Variants in ARID1A observed in about 807,000 individuals in gnomAD.
ARID1A encodes AT-rich interaction domain 1A.
In ARID1A, 20 loss-of-function variants were observed where a neutral mutation model predicts 212.6. That is an observed-to-expected ratio of 0.09 (90% CI 0.07 to 0.14). The LOEUF (loss-of-function observed/expected upper bound fraction) is 0.14, where lower values mean the gene tolerates loss of function less well. Ranked by LOEUF, ARID1A falls within the 10% of genes least tolerant of loss-of-function variation. The pLI, the probability that ARID1A is intolerant of heterozygous loss-of-function variation, is 1.00. For synonymous variants in ARID1A, 1,376 were observed against 1,222.1 expected (o/e 1.13, Z -2.63); for missense variants, 2,587 against 3,059.0 (o/e 0.85, Z 3.64).
intron 1 of ARID1A, among the ~76,000 whole-genome samples, chr1:26,707,423 G>T (rs1231931063): frequency 1.3e-5 from 2 of 151,650 alleles, no homozygotes; most frequent in East Asian, 3.9e-4. Flanking sequence ...TGGCCAGGCT[G>T]GTCTGAAACT....
chr1:26,769,853 G>C, intron 11 of ARID1A: 1 of 152,492 alleles, frequency 6.6e-6, no homozygotes, highest in African/African-American at 2.4e-5. Flanking sequence ...GGCTTGGTCA[G>C]TGTGCCCTGA....
At chr1:26,717,578 T>G (rs2080515364) in intron 1 of ARID1A, among the ~76,000 whole-genome samples, 1 of 152,234 alleles carries the variant, frequency 6.6e-6, no homozygotes, top group South Asian at 2.1e-4. Flanking sequence ...TTCTACAAAT[T>G]TCCAAGCTCT....
In ARID1A at chr1:26,767,002, G is replaced by A. The variant is rs149773846; in HGVS notation, c.2988+436G>A. On this transcript the variant is annotated intron_variant, in intron 10 of 19. Coordinates refer to ENST00000324856, the MANE Select transcript of ARID1A (RefSeq NM_006015.6). ...TGTGTTCTGTAAAGAAGGAGATAAG[G>A]CAGATGAGGCTTGAGTCCTTGGCTT... Among the ~76,000 whole-genome samples, 18 of 152,306 alleles carry A rather than the reference G, an allele frequency of 1.2e-4. No homozygotes were observed. The East Asian group carries it at 3.5e-3, about 29-fold the overall frequency.
intron 10 of ARID1A, among the ~76,000 whole-genome samples, chr1:26,767,299 G>A (rs568736793): frequency 2.5e-4 from 38 of 152,306 alleles, no homozygotes; most frequent in Admixed American, 1.2e-3. Context: ...GAGGCAAAGA[G>A]TTTCTTTTCA....
At chr1:26,735,662 G>A (rs765118417) in intron 4 of ARID1A, among the ~76,000 whole-genome samples, 5 of 152,184 alleles carry the variant, frequency 3.3e-5, no homozygotes, top group Non-Finnish European at 7.3e-5. Flanking sequence ...CCCATCCCCT[G>A]TGTCTTTCTC....
In ARID1A at chr1:26,696,938, C is replaced by G. The variant is rs747917614; in HGVS notation, c.535C>G (p.Pro179Ala). The G allele has an allele frequency of 6.9e-7, 1 of 1,449,184 alleles. No homozygotes were observed. The highest frequency in any genetic ancestry group is 9.0e-7 in the Non-Finnish European group (1 of 1,107,456). The allele number at this position is 1,449,184 out of a possible 1,614,324, so 89.8% of individuals were successfully genotyped here. ...CCAACAACATGGCGGACAACAAAGC[C>G]CTGGCCTGGCAGCGCTGCAGAGCGG... Reference protein sequence around the residue: ...FHQQHGGQQSPGLAALQSGGG... With the variant: ...FHQQHGGQQSAGLAALQSGGG... The change falls in exon 1 of 20, where the codon CCT (proline) becomes GCT (alanine). Residue 179 changes from proline to alanine, a missense_variant. Physicochemically the swap from Pro to Ala is conservative, Grantham distance 27. Around this residue, in one of 11 missense-constraint regions of ARID1A, gnomAD observed 735 missense variants for 590.6 expected, o/e 1.24. Transcript: ENST00000324856.
Position 26,719,676 on chromosome 1 carries a change from C to T in ARID1A, c.1138-9975C>T, listed in dbSNP as rs1042864829. 3.3e-5 allele frequency among the ~76,000 whole-genome samples: 5 copies of T among 151,760 alleles called. No individual in the cohort carries two copies. The East Asian group carries it at 7.7e-4, about 23-fold the overall frequency. ...ACAACTGAGGCCGGGCACAGTGGCT[C>T]ACGCCTGTAATCCCAGCACTTTGGG... On this transcript the variant is annotated intron_variant, in intron 1 of 19. Coordinates refer to ENST00000324856, the MANE Select transcript of ARID1A (RefSeq NM_006015.6).
intron 4 of ARID1A, among the ~76,000 whole-genome samples, chr1:26,758,335 AG>A (rs2080960049): frequency 6.6e-6 from 1 of 152,150 alleles, no homozygotes; most frequent in Non-Finnish European, 1.5e-5. Context: ...TTATCATATC[AG>A]GAGTTTGGGA....
intron 4 of ARID1A, 33 bp from the exon 5 acceptor site, chr1:26,760,823 T>C (rs2124053367): frequency 6.3e-7 from 1 of 1,581,980 alleles, no homozygotes. Context: ...CTGCCTAATA[T>C]TACTAATCCA....
intron 11 of ARID1A, chr1:26,769,661 A>G (rs1170312083): frequency 1.3e-5 from 2 of 152,266 alleles, no homozygotes; most frequent in Admixed American, 6.5e-5. Flanking sequence ...CATAGGTATC[A>G]TATCAGCAGA....
At chr1:26,700,100 G>C (rs1036965905) in intron 1 of ARID1A, among the ~76,000 whole-genome samples, 1 of 152,200 alleles carries the variant, frequency 6.6e-6, no homozygotes, top group African/African-American at 2.4e-5. Flanking sequence ...ATTCAGTTGT[G>C]TAAGAGACAG....
Position 26,780,783 on chromosome 1 carries a change from T to C in ARID1A, c.*27T>C. Reference sequence around the variant, plus strand: ...AGCCGTGGGACACCTCCCCCCCCCGTGTGTGTGTGCGTGTGTGGAGAACTT... The same window carrying C: ...AGCCGTGGGACACCTCCCCCCCCCGCGTGTGTGTGCGTGTGTGGAGAACTT... On this transcript the variant is annotated 3_prime_UTR_variant, in exon 20 of 20. Coordinates refer to ENST00000324856, the MANE Select transcript of ARID1A (RefSeq NM_006015.6). This position sits in a 1 kb window ranked among gnomAD's most constrained non-coding sequence, Gnocchi z 7.2. The C allele has an allele frequency of 4.0e-6, 6 of 1,512,390 alleles. No individual in the cohort carries two copies. Among genetic ancestry groups the C allele is most frequent in the Non-Finnish European group, 5.3e-6 (6 of 1,121,672 alleles). The allele number at this position is 1,512,390 out of a possible 1,614,324, so 93.7% of individuals were successfully genotyped here.
intron 4 of ARID1A, 135 bp from the exon 5 acceptor site, chr1:26,760,721 A>G (rs1271639070): frequency 5.4e-6 from 5 of 928,806 alleles, no homozygotes; most frequent in Admixed American, 3.2e-5. Flanking sequence ...TAAAAATAGT[A>G]TCATGACTAA....
rs2081006817 is a variant in ARID1A at position 26,763,026 on chromosome 1, A to C, written c.2473A>C (p.Ser825Arg). ...TGCCTTGCCCAATGCCAACTACCCC[A>C]GTGCAGGCATGGCTGGAGGCATAAA... ...YNALPNANYP[S>R]AGMAGGINPM... The change falls in exon 8 of 20, where the codon AGT (serine) becomes CGT (arginine). Residue 825 changes from serine (S) to arginine (R), a missense_variant. By Grantham distance (110) the Ser-to-Arg change is moderately radical. Coordinates refer to ENST00000324856, the MANE Select transcript of ARID1A (RefSeq NM_006015.6). 6.2e-7 allele frequency: 1 copy of C among 1,612,618 alleles called. No homozygotes were observed. The highest frequency in any genetic ancestry group is 8.5e-7 in the Non-Finnish European group (1 of 1,178,718).
chr1:26,766,340 G>A lies in ARID1A; in HGVS notation c.2852G>A (p.Gly951Asp), dbSNP rs2081039231. The A allele has an allele frequency of 6.2e-7, 1 of 1,614,156 alleles. No individual in the cohort carries two copies. The highest frequency in any genetic ancestry group is 8.5e-7 in the Non-Finnish European group (1 of 1,180,034). Residue 951 changes from glycine to aspartate, a missense_variant, in exon 9 of 20, where the codon GGT (glycine) becomes GAT (aspartate). Coordinates refer to ENST00000324856, the MANE Select transcript of ARID1A (RefSeq NM_006015.6). ...CCTCAGGGACCCCCATATTCCATGGGTGGAACCATGGCCAACAATTCTGCA... is the reference window on the plus strand; with the variant it reads ...CCTCAGGGACCCCCATATTCCATGGATGGAACCATGGCCAACAATTCTGCA... ...INPQGPPYSM[G>D]GTMANNSAGM...
intron 3 of ARID1A, 136 bp downstream of exon 3, chr1:26,731,740 A>G (rs1011747125): frequency 5.9e-5 from 55 of 940,006 alleles, no homozygotes; most frequent in Non-Finnish European, 8.8e-5. Flanking sequence ...GGTAAACATG[A>G]TAACTGGATT....
chr1:26,769,336 A>G, intron 11 of ARID1A: 1 of 152,246 alleles, frequency 6.6e-6, no homozygotes, highest in East Asian at 1.9e-4. Flanking sequence ...TTGTAACTGA[A>G]CTTTTATAAA....
intron 11 of ARID1A, chr1:26,770,272 A>T (rs1388132992): frequency 6.6e-6 from 1 of 152,060 alleles, no homozygotes; most frequent in Non-Finnish European, 1.5e-5. Context: ...AGGGAAAGGG[A>T]CCTGTGGTTA....
intron 1 of ARID1A, among the ~76,000 whole-genome samples, chr1:26,710,208 G>A (rs534581669): frequency 6.7e-6 from 1 of 149,648 alleles, no homozygotes; most frequent in East Asian, 2.1e-4. Flanking sequence ...GGCCAAGGCG[G>A]GTGGATCACA....
Sources: gnomAD v4.1 joint callset for allele counts (sites outside exome capture counted in the v4.1 genomes callset) on GRCh38, gnomAD v4.1.1 for gene constraint, gnomAD v4.1.1 regional missense constraint, Gnocchi (gnomAD v3.1) non-coding constraint, MANE v1.5 for transcripts, NCBI Gene and HGNC (gene_info 2026-07-23, HGNC 2026-07-21) for gene names.